Variants in SHISA4 observed in about 807,000 individuals in gnomAD.
SHISA4 encodes protein shisa-4.
SHISA4 carries 16 observed loss-of-function variants against 24.2 expected under a neutral mutation model. That is an observed-to-expected ratio of 0.66 (90% CI 0.45 to 1.00). The LOEUF (loss-of-function observed/expected upper bound fraction) is 1.00, where lower values mean the gene tolerates loss of function less well. SHISA4 is among the 50% of genes least tolerant of loss of function. The pLI, the probability that SHISA4 is intolerant of heterozygous loss-of-function variation, is 0.00. For synonymous variants in SHISA4, 106 were observed against 105.4 expected, an observed-to-expected ratio of 1.01 and a Z score of -0.04; for missense variants, 238 against 258.9, an observed-to-expected ratio of 0.92 and a Z score of 0.55.
At chr1:201,889,925 G>A (rs1044577366) in intron 2 of SHISA4, among the ~76,000 whole-genome samples, 1 of 152,152 alleles carries the variant, frequency 6.6e-6, no homozygotes, top group Admixed American at 6.5e-5. Context: ...ACACCCGGAC[G>A]ACAGTGTAGC....
At chr1:201,891,767 C>G in intron 4 of SHISA4, 33 bp from the exon 5 acceptor site, 1 of 1,613,472 alleles carries the variant, frequency 6.2e-7, no homozygotes, top group Non-Finnish European at 8.5e-7. Context: ...CCTATGCCAC[C>G]ACTCACCCTC....
chr1:201,891,323 C>T (rs1430926159), intron 3 of SHISA4, 78 bp from the exon 4 acceptor site: 2 of 1,583,040 alleles, frequency 1.3e-6, no homozygotes, highest in African/African-American at 1.3e-5. Flanking sequence ...AGGGTGCTTA[C>T]CTTGGTTTCC....
At chr1:201,890,691 C>A in intron 3 of SHISA4, 104 bp downstream of exon 3, 1 of 1,432,704 alleles carries the variant, frequency 7.0e-7, no homozygotes, top group South Asian at 1.3e-5. Flanking sequence ...GTAGTATGTG[C>A]TTCTGTATAC....
chr1:201,891,591 C>T (rs757639341), intron 4 of SHISA4, 23 bp downstream of exon 4: 1 of 1,593,750 alleles, frequency 6.3e-7, no homozygotes, highest in Non-Finnish European at 8.6e-7. Context: ...TCTGGAGCCC[C>T]TTGCTGCTGC....
intron 4 of SHISA4, 40 bp from the exon 5 acceptor site, chr1:201,891,760 A>AT (rs1681104498): frequency 6.2e-7 from 1 of 1,611,432 alleles, no homozygotes; most frequent in East Asian, 2.2e-5. Context: ...TCGTCCACCT[A>AT]TGCCACCACT....
In SHISA4 at chr1:201,888,984, C is replaced by T; in HGVS notation, c.-11C>T. ...TGGGAGGCCCGACCCCGGCCGCGCCCAGCCCCCACCATGCCACCCGCGGGG... is the reference window on the plus strand; with the variant it reads ...TGGGAGGCCCGACCCCGGCCGCGCCTAGCCCCCACCATGCCACCCGCGGGG... On this transcript the variant is annotated 5_prime_UTR_variant, in exon 1 of 5. Transcript: ENST00000362011. 7.2e-7 allele frequency: 1 copy of T among 1,389,480 alleles called. No homozygotes were observed. The highest frequency in any genetic ancestry group is 1.7e-5 in the South Asian group (1 of 58,282). The allele number at this position is 1,389,480 out of a possible 1,614,324, so 86.1% of individuals were successfully genotyped here.
chr1:201,889,197 G>T, intron 1 of SHISA4, 130 bp downstream of exon 1: 1 of 1,003,146 alleles, frequency 1.0e-6, no homozygotes. Flanking sequence ...GGGTGTTGCT[G>T]GGTCCTCAAG....
At position 201,888,944 on chromosome 1, in the gene SHISA4, C is replaced by T. The variant is rs1681037502; in HGVS notation, c.-51C>T. On this transcript the variant is annotated 5_prime_UTR_variant, in exon 1 of 5. Coordinates refer to ENST00000362011, the MANE Select transcript of SHISA4 (RefSeq NM_198149.3). Reference sequence around the variant, plus strand: ...GCAGCTCCAGCTGGCCGGCTTGGTCCTGCGGTCCCTTCTCTGGGAGGCCCG... The same window carrying T: ...GCAGCTCCAGCTGGCCGGCTTGGTCTTGCGGTCCCTTCTCTGGGAGGCCCG... The T allele has an allele frequency of 2.5e-5, 33 of 1,296,650 alleles. No individual in the cohort carries two copies. Among genetic ancestry groups the T allele is most frequent in the Non-Finnish European group, 3.1e-5 (31 of 999,556 alleles). The allele number at this position is 1,296,650 out of a possible 1,614,324, so 80.3% of individuals were successfully genotyped here. A position where few individuals can be genotyped will look rare whatever the true frequency, so the allele number is the denominator to read the frequency against.
upstream of SHISA4, chr1:201,888,693 C>T (rs1420812584): frequency 9.7e-6 from 3 of 310,384 alleles, no homozygotes; most frequent in Non-Finnish European, 1.8e-5. Flanking sequence ...CCCATGGTGG[C>T]TCGGATGGGA....
At chr1:201,891,236 A>G (rs912650666) in intron 3 of SHISA4, among the ~76,000 whole-genome samples, 165 bp from the exon 4 acceptor site, 2 of 152,078 alleles carry the variant, frequency 1.3e-5, no homozygotes, top group African/African-American at 4.8e-5. Context: ...CCACGTGCAC[A>G]GCTCCCTGCT....
In SHISA4 at chr1:201,888,931, G is replaced by A; in HGVS notation, c.-64G>A. 1 of 1,167,680 alleles carries A rather than the reference G, an allele frequency of 8.6e-7. No individual in the cohort carries two copies. The highest frequency in any genetic ancestry group is 3.2e-5 in the East Asian group (1 of 31,168). 72.3% of individuals were successfully genotyped at this position (1,167,680 alleles called of 1,614,324 possible). ...GCTGGGCCCCGCCGCAGCTCCAGCT[G>A]GCCGGCTTGGTCCTGCGGTCCCTTC... On this transcript the variant is annotated 5_prime_UTR_variant, in exon 1 of 5. Coordinates refer to ENST00000362011, the MANE Select transcript of SHISA4 (RefSeq NM_198149.3).
At chr1:201,889,716 T>G in intron 2 of SHISA4, 100 bp downstream of exon 2, 4 of 1,371,368 alleles carry the variant, frequency 2.9e-6, no homozygotes, top group South Asian at 1.3e-5. Flanking sequence ...GTTGTCGACC[T>G]CCACATTCTT....
At chr1:201,889,405 G>T in intron 1 of SHISA4, 40 bp from the exon 2 acceptor site, 1 of 1,606,214 alleles carries the variant, frequency 6.2e-7, no homozygotes. Flanking sequence ...GGGATGAACT[G>T]GCCTGGTGGC....
rs968551390 is a variant in SHISA4, at chr1:201,889,527, C to T, written c.156C>T (p.Phe52=). Residue 52 remains phenylalanine, a synonymous_variant, in exon 2 of 5, where the codon TTC becomes TTT. Transcript: ENST00000362011. ...HPGFNCEFFT[F]CCGTCYHRYC... Reference sequence around the variant, plus strand: ...GGTTTAACTGCGAGTTCTTCACCTTCTGCTGCGGGACCTGCTACCATCGGT... The same window carrying T: ...GGTTTAACTGCGAGTTCTTCACCTTTTGCTGCGGGACCTGCTACCATCGGT... 3 of 1,613,992 alleles carry T rather than the reference C, an allele frequency of 1.9e-6. No individual in the cohort carries two copies. The highest frequency in any genetic ancestry group is 2.5e-6 in the Non-Finnish European group (3 of 1,180,032).
chr1:201,890,717 T>A lies in SHISA4; in HGVS notation c.379+130T>A, dbSNP rs555614067. 16 of 1,256,770 alleles carry A rather than the reference T, an allele frequency of 1.3e-5. No homozygotes were observed. In the South Asian group the frequency reaches 2.3e-4, roughly 18 times the overall value. 77.9% of individuals were successfully genotyped at this position (1,256,770 alleles called of 1,614,324 possible). ...TTCTGTATACACACACCTGCCAGCA[T>A]GAAAACCCAGAAAAATGCTTGTAAA... On this transcript the variant is annotated intron_variant, in intron 3 of 4. Coordinates refer to ENST00000362011, the MANE Select transcript of SHISA4 (RefSeq NM_198149.3).
In SHISA4 at chr1:201,890,487, G is replaced by C. The variant is rs756853771; in HGVS notation, c.279G>C (p.Val93=). ...CCATAGCAGGCATCGCCTCAGCTGT[G>C]ATCCTCTTTGTTGCTGTGGTTGCCA... The part of the protein sequence containing the change: ...PKTIAGIASA[V]ILFVAVVATT... The change falls in exon 3 of 5, where the codon GTG becomes GTC. Residue 93 remains valine, a synonymous_variant. Transcript: ENST00000362011. 6.2e-7 allele frequency: 1 copy of C among 1,614,242 alleles called. No homozygotes were observed. Among genetic ancestry groups the C allele is most frequent in the South Asian group, 1.1e-5 (1 of 91,092 alleles).
chr1:201,891,590 C>G, intron 4 of SHISA4, 22 bp downstream of exon 4: 3 of 1,594,496 alleles, frequency 1.9e-6, no homozygotes, highest in Non-Finnish European at 2.6e-6. Context: ...ATCTGGAGCC[C>G]CTTGCTGCTG....
intron 2 of SHISA4, 144 bp downstream of exon 2, chr1:201,889,760 G>A (rs1044115266): frequency 1.2e-5 from 11 of 935,766 alleles, no homozygotes; most frequent in Admixed American, 2.4e-5. Context: ...CAAGCCTGGC[G>A]GCAGAGCTAG....
At chr1:201,890,014 T>C (rs1681063334) in intron 2 of SHISA4, among the ~76,000 whole-genome samples, 1 of 152,204 alleles carries the variant, frequency 6.6e-6, no homozygotes, top group Non-Finnish European at 1.5e-5. Flanking sequence ...CTGTGTGATC[T>C]TGGAGAAGAC....
Sources: gnomAD v4.1 joint callset for allele counts (sites outside exome capture counted in the v4.1 genomes callset) on GRCh38, gnomAD v4.1.1 for gene constraint, MANE v1.5 for transcripts, NCBI Gene and HGNC (gene_info 2026-07-23, HGNC 2026-07-21) for gene names.